Variants in UPP2 observed in about 807,000 individuals in gnomAD.
UPP2 encodes UPase 2.
In UPP2, 23 loss-of-function variants were observed where a neutral mutation model predicts 26.7. The ratio of observed to expected loss-of-function variants is 0.86; its 90% CI spans 0.62 to 1.22. The LOEUF is 1.22. Among genes scored for constraint, UPP2 ranks in the 50% most tolerant of loss-of-function variants. The pLI, the probability that UPP2 is intolerant of heterozygous loss-of-function variation, is 0.00. For synonymous variants in UPP2, 127 were observed against 141.3 expected (o/e 0.90, Z 0.72); for missense variants, 387 against 396.7 (o/e 0.98, Z 0.21).
At chr2:158,098,439 A>G (rs530753276), upstream of UPP2, among the ~76,000 whole-genome samples, 31 of 152,206 alleles carry the variant, frequency 2.0e-4, no homozygotes, top group African/African-American at 7.5e-4. Context: ...GGGCCAGCAT[A>G]ATGCTCCCTT....
intron 3 of UPP2, among the ~76,000 whole-genome samples, chr2:158,058,060 A>G (rs555620369): frequency 3.3e-5 from 5 of 152,232 alleles, no homozygotes; most frequent in East Asian, 1.9e-4. Flanking sequence ...TTGGGAGGCC[A>G]AGGCGGGCGG....
chr2:158,104,636 G>T (rs758963595), intron 1 of UPP2, among the ~76,000 whole-genome samples: 1 of 152,010 alleles, frequency 6.6e-6, no homozygotes, highest in Non-Finnish European at 1.5e-5. Flanking sequence ...AAGCCATGTG[G>T]AAAGGCTAGG....
At chr2:158,058,072 T>C (rs1265532849) in intron 3 of UPP2, among the ~76,000 whole-genome samples, 1 of 151,924 alleles carries the variant, frequency 6.6e-6, no homozygotes, top group Non-Finnish European at 1.5e-5. Flanking sequence ...GGCGGGCGGA[T>C]CACGAGGTCA....
chr2:158,060,824 G>T (rs757244221), intron 3 of UPP2, among the ~76,000 whole-genome samples: 2 of 152,170 alleles, frequency 1.3e-5, no homozygotes, highest in Non-Finnish European at 2.9e-5. Context: ...CCATCTACAA[G>T]TCAGGAAGAG....
At chr2:158,094,509 A>G (rs1370945523) in intron 3 of UPP2, among the ~76,000 whole-genome samples, 1 of 152,218 alleles carries the variant, frequency 6.6e-6, no homozygotes, top group African/African-American at 2.4e-5. Context: ...AAGGTGAAGC[A>G]TTTACAGAAA....
intron 5 of UPP2, among the ~76,000 whole-genome samples, chr2:158,123,086 A>G (rs932859321): frequency 2.0e-5 from 3 of 152,160 alleles, no homozygotes; most frequent in African/African-American, 7.2e-5. Flanking sequence ...TAGGAGGTCT[A>G]TTTCTGGGTG....
intron 3 of UPP2, among the ~76,000 whole-genome samples, chr2:158,082,499 C>T (rs1487126068): frequency 2.0e-5 from 3 of 152,042 alleles, no homozygotes; most frequent in East Asian, 3.9e-4. Flanking sequence ...ATAATGGTCT[C>T]CACCATATGC....
chr2:158,026,503 CT>C (rs1167587050), intron 3 of UPP2, among the ~76,000 whole-genome samples: 1 of 152,102 alleles, frequency 6.6e-6, no homozygotes, highest in African/African-American at 2.4e-5. Flanking sequence ...AGGACTATAT[CT>C]CATGGGAACC....
intron 6 of UPP2, chr2:158,127,944 A>G: frequency 2.1e-6 from 2 of 949,036 alleles, no homozygotes; most frequent in Non-Finnish European, 2.5e-6. Flanking sequence ...TAATATGCAC[A>G]TATCTGTGTC....
intron 3 of UPP2, among the ~76,000 whole-genome samples, chr2:158,019,026 C>T (rs1437559770): frequency 6.6e-6 from 1 of 152,128 alleles, no homozygotes; most frequent in Non-Finnish European, 1.5e-5. Context: ...TCTTATCCAC[C>T]ATAAGGAAAG....
chr2:158,007,674 C>CTGGAG (rs1382487257), intron 2 of UPP2, among the ~76,000 whole-genome samples: 1 of 149,808 alleles, frequency 6.7e-6, no homozygotes, highest in Non-Finnish European at 1.5e-5. Flanking sequence ...GTCGCTCAGA[C>CTGGAG]TGGAGTGCAG....
At chr2:158,117,029 T>C (rs977032180) in intron 3 of UPP2, among the ~76,000 whole-genome samples, 3 of 152,076 alleles carry the variant, frequency 2.0e-5, no homozygotes, top group Admixed American at 6.5e-5. Flanking sequence ...GTAGGACACA[T>C]TGAAGAGCAC....
chr2:158,079,461 G>A (rs10175147), intron 3 of UPP2, among the ~76,000 whole-genome samples: 9,956 of 151,964 alleles, frequency 0.066, 595 homozygotes, highest in East Asian at 0.14. Flanking sequence ...GGAAGATCTG[G>A]GGCAAATGAA....
At chr2:158,103,661 G>T (rs1558931566) in intron 1 of UPP2, among the ~76,000 whole-genome samples, 1 of 152,180 alleles carries the variant, frequency 6.6e-6, no homozygotes, top group African/African-American at 2.4e-5. Context: ...AATAGAATTT[G>T]GAAGAAAAAG....
At chr2:158,004,590 C>T (rs1333043958) in intron 2 of UPP2, among the ~76,000 whole-genome samples, 1 of 152,192 alleles carries the variant, frequency 6.6e-6, no homozygotes, top group African/African-American at 2.4e-5. Context: ...CAGCTGTGAA[C>T]AAAACAGGCT....
At chr2:158,090,242 C>A (rs1202824612) in intron 3 of UPP2, among the ~76,000 whole-genome samples, 1 of 152,260 alleles carries the variant, frequency 6.6e-6, no homozygotes, top group South Asian at 2.1e-4. Context: ...GTGGCTCACT[C>A]CTGTAATCCC....
upstream of UPP2, among the ~76,000 whole-genome samples, chr2:158,101,121 G>A (rs934457778): frequency 4.6e-5 from 7 of 152,188 alleles, no homozygotes; most frequent in Non-Finnish European, 5.9e-5. Flanking sequence ...ATGAGACTAC[G>A]TTCTTGAAGC....
intron 3 of UPP2, among the ~76,000 whole-genome samples, chr2:158,091,781 G>A (rs758243548): frequency 2.0e-5 from 3 of 152,174 alleles, no homozygotes; most frequent in Admixed American, 1.3e-4. Context: ...AGACTACCCT[G>A]GGCATGTTAG....
At chr2:158,075,764 G>C (rs1682621116) in intron 3 of UPP2, among the ~76,000 whole-genome samples, 1 of 151,618 alleles carries the variant, frequency 6.6e-6, no homozygotes, top group Non-Finnish European at 1.5e-5. Context: ...ACAACCTAAT[G>C]ATGCATCTTA....
Sources: gnomAD v4.1 joint callset for allele counts (sites outside exome capture counted in the v4.1 genomes callset) on GRCh38, gnomAD v4.1.1 for gene constraint, MANE v1.5 for transcripts, NCBI Gene and HGNC (gene_info 2026-07-23, HGNC 2026-07-21) for gene names.